Variants in ANKRD22 observed in about 807,000 individuals in gnomAD.
ANKRD22 encodes the protein ankyrin repeat domain-containing protein 22.
In ANKRD22, 24 loss-of-function variants were observed where a neutral mutation model predicts 25.7. That is an observed-to-expected ratio of 0.93 (90% CI 0.68 to 1.31). The LOEUF is 1.31. Among genes scored for constraint, ANKRD22 ranks in the 50% most tolerant of loss-of-function variants. ANKRD22 has a pLI of 0.00. For synonymous variants in ANKRD22, 84 were observed against 84.3 expected, an observed-to-expected ratio of 1.00 and a Z score of 0.02; for missense variants, 214 against 227.1, an observed-to-expected ratio of 0.94 and a Z score of 0.37.
At chr10:88,834,928 C>T (rs1194526530) in intron 1 of ANKRD22, among the ~76,000 whole-genome samples, 1 of 149,438 alleles carries the variant, frequency 6.7e-6, no homozygotes, top group African/African-American at 2.5e-5. Flanking sequence ...AACTCTGCCT[C>T]AAAAAAAGAA....
intron 1 of ANKRD22, among the ~76,000 whole-genome samples, chr10:88,844,832 G>A (rs1254861268): frequency 6.6e-6 from 1 of 151,996 alleles, no homozygotes; most frequent in Non-Finnish European, 1.5e-5. Flanking sequence ...ATTGTAGAAG[G>A]CATATACAAA....
intron 1 of ANKRD22, among the ~76,000 whole-genome samples, chr10:88,845,426 C>A (rs775184500): frequency 6.6e-6 from 1 of 152,046 alleles, no homozygotes; most frequent in Non-Finnish European, 1.5e-5. Context: ...ATCTCTTGCC[C>A]GAGCCTCTCC....
At chr10:88,824,714 T>C (rs1162553425) in intron 4 of ANKRD22, among the ~76,000 whole-genome samples, 1 of 135,574 alleles carries the variant, frequency 7.4e-6, no homozygotes, top group East Asian at 2.0e-4. Context: ...GCAATATCTC[T>C]ATCTAGAGAG....
At chr10:88,839,835 G>T (rs1843988082) in intron 1 of ANKRD22, among the ~76,000 whole-genome samples, 1 of 152,142 alleles carries the variant, frequency 6.6e-6, no homozygotes, top group Non-Finnish European at 1.5e-5. Context: ...CTCAACCTTG[G>T]CTAAATATTG....
At position 88,821,931 on chromosome 10, in the gene ANKRD22, AC is replaced by A. The variant is rs1843800272; in HGVS notation, c.*1009del. Among the ~76,000 whole-genome samples the A allele has an allele frequency of 1.3e-5, 2 of 152,238 alleles. No individual in the cohort carries two copies. Among genetic ancestry groups the A allele is most frequent in the Admixed American group, 1.3e-4 (2 of 15,280 alleles). On this transcript the variant is annotated 3_prime_UTR_variant, in exon 6 of 6. Coordinates refer to ENST00000371930, the MANE Select transcript of ANKRD22 (RefSeq NM_144590.3). ...CACTTAGACAAATAATCCAGATCCT[AC>A]CTCATTGTATAGCTCTGTTTCTTTT...
intron 1 of ANKRD22, among the ~76,000 whole-genome samples, chr10:88,845,551 C>T (rs1198927842): frequency 6.6e-6 from 1 of 152,142 alleles, no homozygotes; most frequent in Non-Finnish European, 1.5e-5. Flanking sequence ...CTGCCCCTCT[C>T]TGAGTGTTCC....
intron 2 of ANKRD22, among the ~76,000 whole-genome samples, 155 bp downstream of exon 2, chr10:88,831,680 C>T (rs1843904657): frequency 6.6e-6 from 1 of 152,120 alleles, no homozygotes; most frequent in South Asian, 2.1e-4. Context: ...ATAAAATGTC[C>T]TTGGTATGTG....
chr10:88,828,097 A>G (rs1246457181), intron 3 of ANKRD22, among the ~76,000 whole-genome samples: 1 of 152,222 alleles, frequency 6.6e-6, no homozygotes, highest in African/African-American at 2.4e-5. Context: ...TAAATTCTCA[A>G]CAAGTATCTT....
chr10:88,841,967 C>T (rs963438810), intron 1 of ANKRD22, among the ~76,000 whole-genome samples: 1 of 152,112 alleles, frequency 6.6e-6, no homozygotes, highest in Admixed American at 6.6e-5. Flanking sequence ...TGAGCTTAAC[C>T]GTGCCTCATT....
At chr10:88,828,730 C>T in intron 2 of ANKRD22, 64 bp from the exon 3 acceptor site, 3 of 1,253,238 alleles carry the variant, frequency 2.4e-6, no homozygotes, top group South Asian at 1.3e-5. Context: ...ATTCAGATGG[C>T]CATCTCAAAA....
chr10:88,824,529 C>T (rs1323851273), intron 4 of ANKRD22, among the ~76,000 whole-genome samples: 3 of 152,126 alleles, frequency 2.0e-5, no homozygotes, highest in African/African-American at 7.2e-5. Flanking sequence ...ACTGTCTTAC[C>T]TAGAAAGTAG....
chr10:88,846,227 A>T (rs1306349033), intron 1 of ANKRD22, among the ~76,000 whole-genome samples: 4 of 152,070 alleles, frequency 2.6e-5, no homozygotes, highest in African/African-American at 9.7e-5. Flanking sequence ...TGCAGGACAG[A>T]GGTTATGCCA....
chr10:88,847,774 AC>A (rs1039574845), intron 1 of ANKRD22, among the ~76,000 whole-genome samples: 3 of 151,838 alleles, frequency 2.0e-5, no homozygotes, highest in African/African-American at 7.3e-5. Flanking sequence ...ATAAAAAAAA[AC>A]CCCAAAAAAC....
chr10:88,837,675 C>T (rs912537186), intron 1 of ANKRD22, among the ~76,000 whole-genome samples: 2 of 152,180 alleles, frequency 1.3e-5, no homozygotes, highest in African/African-American at 4.8e-5. Context: ...GCTGTGTCTC[C>T]ACCCAAATCT....
intron 1 of ANKRD22, among the ~76,000 whole-genome samples, chr10:88,845,875 G>T (rs1397944761): frequency 1.3e-5 from 2 of 152,000 alleles, no homozygotes; most frequent in Non-Finnish European, 2.9e-5. Flanking sequence ...TTTCCATTGT[G>T]TTTTGCATAA....
chr10:88,849,970 A>G (rs979305615), intron 1 of ANKRD22, among the ~76,000 whole-genome samples: 2 of 151,410 alleles, frequency 1.3e-5, no homozygotes, highest in East Asian at 1.9e-4. Flanking sequence ...TATGTCCCCA[A>G]TCTAGAGGAG....
At chr10:88,847,150 T>C (rs1844056348) in intron 1 of ANKRD22, among the ~76,000 whole-genome samples, 1 of 152,210 alleles carries the variant, frequency 6.6e-6, no homozygotes, top group South Asian at 2.1e-4. Context: ...TTTGTAGCTT[T>C]GTGGAATGTT....
intron 1 of ANKRD22, among the ~76,000 whole-genome samples, chr10:88,839,861 C>G (rs1217266048): frequency 6.6e-6 from 1 of 152,122 alleles, no homozygotes; most frequent in African/African-American, 2.4e-5. Flanking sequence ...ATGTTTGCAC[C>G]AACTTAATGT....
chr10:88,823,303 C>T lies in ANKRD22; in HGVS notation c.475G>A (p.Ala159Thr). The change falls in exon 5 of 6, where the codon GCA becomes ACA. Residue 159 changes from alanine to threonine, a missense_variant. Physicochemically the swap from Ala to Thr is moderately conservative, Grantham distance 58 (BLOSUM62 0). Transcript: ENST00000371930. ...ACCTTATTCTTTATTGTGGGGTCTG[C>T]ACGGGCTTCCAAGAGCAGAGGGATA... The part of the protein sequence containing the change: ...SLIPLLLEAR[A>T]DPTIKNKHGE... 3 of 1,613,744 alleles carry T rather than the reference C, an allele frequency of 1.9e-6. No individual in the cohort carries two copies. Among genetic ancestry groups the T allele is most frequent in the East Asian group, 2.2e-5 (1 of 44,888 alleles).
Sources: allele counts gnomAD v4.1 joint callset (sites outside exome capture counted in the v4.1 genomes callset), GRCh38; gene constraint gnomAD v4.1.1; transcripts MANE v1.5; gene names NCBI Gene and HGNC (gene_info 2026-07-23, HGNC 2026-07-21).